Variants in DNM3 observed in about 807,000 individuals in gnomAD.
The protein encoded by DNM3 is dynamin 3, also known as dynamin-3.
DNM3 carries 47 observed loss-of-function variants against 101.6 expected under a neutral mutation model. That is an observed-to-expected ratio of 0.46 (90% CI 0.37 to 0.59). DNM3 has a LOEUF of 0.59. Among genes scored for constraint, DNM3 ranks in the 20% least tolerant of loss-of-function variants. The pLI, the probability that DNM3 is intolerant of heterozygous loss-of-function variation, is 0.00. For missense variants in DNM3, 849 were observed against 1,085.7 expected (o/e 0.78, Z 3.06); for synonymous variants, 385 against 387.9 (o/e 0.99, Z 0.09).
At chr1:171,951,881 G>A (rs866619305) in intron 2 of DNM3, among the ~76,000 whole-genome samples, 40 of 152,322 alleles carry the variant, frequency 2.6e-4, no homozygotes, top group African/African-American at 9.4e-4. Context: ...GATACAAATT[G>A]TAGGTAAAAT....
chr1:172,073,977 C>T (rs1174599725), intron 11 of DNM3, among the ~76,000 whole-genome samples: 1 of 152,142 alleles, frequency 6.6e-6, no homozygotes, highest in Non-Finnish European at 1.5e-5. Context: ...AGAGGCACCT[C>T]CCAAGTCTCT....
chr1:172,304,419 C>T (rs1460054512), intron 15 of DNM3, among the ~76,000 whole-genome samples: 1 of 152,016 alleles, frequency 6.6e-6, no homozygotes, highest in Non-Finnish European at 1.5e-5. Context: ...GAGACTTAGA[C>T]TCCCATACAA....
At chr1:171,979,202 G>A (rs1379702761) in intron 2 of DNM3, among the ~76,000 whole-genome samples, 4 of 152,154 alleles carry the variant, frequency 2.6e-5, no homozygotes, top group Non-Finnish European at 5.9e-5. Flanking sequence ...GTCAGATGCT[G>A]CCAAGACATA....
At chr1:172,415,704 A>AT (rs1284695701), downstream of DNM3, among the ~76,000 whole-genome samples, 2 of 151,760 alleles carry the variant, frequency 1.3e-5, no homozygotes, top group African/African-American at 4.8e-5. Context: ...TAATTTTTGC[A>AT]TTTTTAGTAG....
intron 2 of DNM3, among the ~76,000 whole-genome samples, chr1:171,927,998 A>C (rs2040715336): frequency 6.6e-6 from 1 of 151,614 alleles, no homozygotes; most frequent in Admixed American, 6.6e-5. Flanking sequence ...GTGTAGATTG[A>C]ATACAGTTGA....
At chr1:172,027,617 C>CACACACACACACACACAG (rs34981346) in intron 4 of DNM3, among the ~76,000 whole-genome samples, 16 of 147,022 alleles carry the variant, frequency 1.1e-4, no homozygotes, top group African/African-American at 4.1e-4. Context: ...CACACACACA[C>CACACACACACACACACAG]AGAGAGAGAG....
chr1:172,205,204 C>T (rs185551657), intron 14 of DNM3, among the ~76,000 whole-genome samples: 1 of 152,172 alleles, frequency 6.6e-6, no homozygotes, highest in African/African-American at 2.4e-5. Context: ...AGGGCATAAT[C>T]TTTTATAATC....
At chr1:172,319,784 G>A (rs1253270165) in intron 16 of DNM3, among the ~76,000 whole-genome samples, 1 of 152,154 alleles carries the variant, frequency 6.6e-6, no homozygotes, top group African/African-American at 2.4e-5. Flanking sequence ...ACTGTTGGTG[G>A]GACTGTAAAC....
intron 18 of DNM3, 68 bp downstream of exon 18, chr1:172,379,250 C>T (rs1374042018): frequency 2.3e-6 from 3 of 1,283,506 alleles, no homozygotes; most frequent in Non-Finnish European, 3.2e-6. Flanking sequence ...CACATATTAT[C>T]TTCAGCTTCT....
chr1:172,395,844 G>C (rs936652170), intron 20 of DNM3, among the ~76,000 whole-genome samples: 1 of 152,234 alleles, frequency 6.6e-6, no homozygotes, highest in Non-Finnish European at 1.5e-5. Context: ...CTGTTACACT[G>C]TTGGTGTGGC....
In DNM3 at chr1:172,232,843, G is replaced by A. The variant is rs555198102; in HGVS notation, c.1660-20730G>A. On this transcript the variant is annotated intron_variant, in intron 14 of 20. Transcript: ENST00000627582. Reference sequence around the variant, plus strand: ...TAAAGATGTTCTTTGAAACCAACGAGGACAAAGGCACAACATACCAGAATC... The same window carrying A: ...TAAAGATGTTCTTTGAAACCAACGAAGACAAAGGCACAACATACCAGAATC... 1.3e-4 allele frequency among the ~76,000 whole-genome samples: 20 copies of A among 152,266 alleles called. No homozygotes were observed. The East Asian group carries it at 3.9e-3, about 29-fold the overall frequency.
chr1:171,886,534 AT>A (rs576564817), intron 1 of DNM3, among the ~76,000 whole-genome samples: 1,930 of 149,668 alleles, frequency 0.013, 25 homozygotes, highest in South Asian at 0.034. Context: ...TCCCCAACCC[AT>A]TTTTTTTTTA....
intron 9 of DNM3, among the ~76,000 whole-genome samples, chr1:172,046,438 G>T (rs1413813726): frequency 1.3e-5 from 2 of 152,066 alleles, no homozygotes; most frequent in African/African-American, 4.8e-5. Flanking sequence ...ATAGCATTAG[G>T]AGATATACCT....
chr1:171,854,196 C>T (rs950733171), intron 1 of DNM3, among the ~76,000 whole-genome samples: 12 of 152,118 alleles, frequency 7.9e-5, no homozygotes, highest in African/African-American at 2.7e-4. Context: ...TTCTGTGGAG[C>T]CTGACTCCCT....
chr1:172,377,553 C>CATATATAT (rs34612864), intron 17 of DNM3, among the ~76,000 whole-genome samples: 2,410 of 123,270 alleles, frequency 0.02, 92 homozygotes, highest in African/African-American at 0.062. Flanking sequence ...TGATATATAT[C>CATATATAT]ATATATATAT....
At chr1:172,042,265 C>CA in intron 8 of DNM3, 121 bp downstream of exon 8, 1 of 890,878 alleles carries the variant, frequency 1.1e-6, no homozygotes, top group Non-Finnish European at 1.5e-6. Context: ...ACAAAACCTC[C>CA]ATATTCAGGT....
chr1:172,316,462 A>G (rs944148459), intron 16 of DNM3, among the ~76,000 whole-genome samples: 3 of 152,162 alleles, frequency 2.0e-5, no homozygotes, highest in Admixed American at 6.5e-5. Context: ...TAAAGAATCA[A>G]GACCCATCAG....
chr1:171,891,433 T>C (rs1050643877), intron 1 of DNM3, among the ~76,000 whole-genome samples: 1 of 152,140 alleles, frequency 6.6e-6, no homozygotes, highest in Non-Finnish European at 1.5e-5. Context: ...ATTAGTATGG[T>C]ATGTTTGTTG....
chr1:172,118,667 C>T (rs1446826365), intron 13 of DNM3, among the ~76,000 whole-genome samples: 1 of 151,984 alleles, frequency 6.6e-6, no homozygotes, highest in African/African-American at 2.4e-5. Context: ...CCTCTGTCAC[C>T]CACCCGTTCC....
Sources: gnomAD v4.1 joint callset for allele counts (sites outside exome capture counted in the v4.1 genomes callset) on GRCh38, gnomAD v4.1.1 for gene constraint, MANE v1.5 for transcripts, NCBI Gene and HGNC (gene_info 2026-07-23, HGNC 2026-07-21) for gene names.